The following SGCZ variants were observed in gnomAD, a reference collection of about 807,000 sequenced individuals.
SGCZ encodes sarcoglycan zeta, also known as zeta-sarcoglycan.
A neutral mutation model predicts 41.3 loss-of-function variants in SGCZ; 40 were observed. The observed-to-expected ratio is 0.97, with a 90% confidence interval of 0.75 to 1.26. The LOEUF (loss-of-function observed/expected upper bound fraction) is 1.26, where lower values mean the gene tolerates loss of function less well. SGCZ is among the 50% of genes most tolerant of loss of function. The pLI, the probability that SGCZ is intolerant of heterozygous loss-of-function variation, is 0.00. For missense variants in SGCZ, 552 were observed against 369.8 expected (o/e 1.49, Z -4.04); for synonymous variants, 206 against 137.5 (o/e 1.50, Z -3.49).
At chr8:14,357,139 T>G (rs1803328418) in intron 2 of SGCZ, among the ~76,000 whole-genome samples, 1 of 152,174 alleles carries the variant, frequency 6.6e-6, no homozygotes. Context: ...CACACCTTGA[T>G]ATGTTGATAT....
intron 1 of SGCZ, among the ~76,000 whole-genome samples, chr8:15,042,854 A>C (rs1804158259): frequency 6.6e-6 from 1 of 152,204 alleles, no homozygotes; most frequent in Non-Finnish European, 1.5e-5. Context: ...CTTGCAGAAA[A>C]AGATGGGAAT....
At chr8:14,732,179 C>T (rs1333424104) in intron 1 of SGCZ, among the ~76,000 whole-genome samples, 1 of 152,122 alleles carries the variant, frequency 6.6e-6, no homozygotes, top group Admixed American at 6.5e-5. Flanking sequence ...CTCTCTATAA[C>T]TCTCTTCTAA....
intron 1 of SGCZ, 119 bp downstream of exon 1, chr8:15,237,466 C>T: frequency 8.1e-7 from 1 of 1,227,470 alleles, no homozygotes; most frequent in East Asian, 2.5e-5. Context: ...CCCCAACGCC[C>T]CCTCGTCGTC....
At chr8:14,939,422 C>T (rs1404342452) in intron 1 of SGCZ, among the ~76,000 whole-genome samples, 1 of 152,104 alleles carries the variant, frequency 6.6e-6, no homozygotes, top group African/African-American at 2.4e-5. Flanking sequence ...TTAATGCTTC[C>T]TATTTTTTGA....
intron 1 of SGCZ, among the ~76,000 whole-genome samples, chr8:14,671,761 AAAAACAAATAACAAAC>A (rs1808110042): frequency 6.6e-6 from 1 of 152,212 alleles, no homozygotes; most frequent in African/African-American, 2.4e-5. Flanking sequence ...AAATAATTTC[AAAAACAAATAACAAAC>A]AAAACAATTT....
chr8:15,212,683 C>T (rs772094106), intron 1 of SGCZ, among the ~76,000 whole-genome samples: 12 of 151,970 alleles, frequency 7.9e-5, no homozygotes, highest in Non-Finnish European at 1.6e-4. Context: ...GTTTTGGCAT[C>T]TTAGTTAATA....
intron 1 of SGCZ, among the ~76,000 whole-genome samples, chr8:15,157,856 C>G (rs1029256941): frequency 2.6e-5 from 4 of 152,160 alleles, no homozygotes; most frequent in African/African-American, 9.7e-5. Context: ...AAAAATGGAG[C>G]AAAATACCCA....
intron 2 of SGCZ, among the ~76,000 whole-genome samples, chr8:14,424,220 G>C (rs1208445085): frequency 6.6e-6 from 1 of 152,108 alleles, no homozygotes; most frequent in Non-Finnish European, 1.5e-5. Flanking sequence ...CATAGTAGTA[G>C]AAGACACTAT....
intron 2 of SGCZ, among the ~76,000 whole-genome samples, chr8:14,526,940 A>G (rs1363215062): frequency 6.6e-6 from 1 of 152,136 alleles, no homozygotes; most frequent in Non-Finnish European, 1.5e-5. Context: ...CTAGTTATCT[A>G]CTGGGCACGA....
chr8:14,889,640 C>A (rs937434375), intron 1 of SGCZ, among the ~76,000 whole-genome samples: 7 of 151,426 alleles, frequency 4.6e-5, no homozygotes, highest in Non-Finnish European at 8.8e-5. Flanking sequence ...AAACATGGAT[C>A]AAAAAAATTT....
chr8:15,010,023 G>C (rs1042223220), intron 1 of SGCZ, among the ~76,000 whole-genome samples: 3 of 152,044 alleles, frequency 2.0e-5, no homozygotes, highest in Non-Finnish European at 4.4e-5. Context: ...ATATGTGTTA[G>C]TGTATATTTT....
chr8:14,292,119 GCATCAT>G (rs1800859781), intron 3 of SGCZ, among the ~76,000 whole-genome samples: 1 of 152,030 alleles, frequency 6.6e-6, no homozygotes, highest in African/African-American at 2.4e-5. Context: ...ATTTTACCAA[GCATCAT>G]TAATTAATCA....
At chr8:14,268,815 A>G (rs973237502) in intron 3 of SGCZ, among the ~76,000 whole-genome samples, 2 of 151,958 alleles carry the variant, frequency 1.3e-5, no homozygotes, top group Non-Finnish European at 2.9e-5. Flanking sequence ...GGAATATAAA[A>G]CATCCTCATC....
intron 4 of SGCZ, among the ~76,000 whole-genome samples, chr8:14,206,874 T>G (rs1244846280): frequency 6.6e-6 from 1 of 152,168 alleles, no homozygotes; most frequent in African/African-American, 2.4e-5. Flanking sequence ...TGTCTCAGAT[T>G]CTTATACACA....
intron 1 of SGCZ, among the ~76,000 whole-genome samples, chr8:14,958,529 C>T (rs778909144): frequency 7.9e-5 from 12 of 151,492 alleles, no homozygotes; most frequent in Non-Finnish European, 1.3e-4. Context: ...CAGAAAAAAA[C>T]GATTTGTGGT....
At chr8:15,136,719 G>A (rs774988131) in intron 1 of SGCZ, among the ~76,000 whole-genome samples, 22 of 152,128 alleles carry the variant, frequency 1.4e-4, no homozygotes, top group Non-Finnish European at 2.4e-4. Flanking sequence ...CTTTAACCAT[G>A]ATTGTAAGTT....
intron 1 of SGCZ, among the ~76,000 whole-genome samples, chr8:14,932,048 T>A (rs1799936638): frequency 6.6e-6 from 1 of 151,972 alleles, no homozygotes. Context: ...TTTTTCAGTA[T>A]TTATAATTGA....
intron 2 of SGCZ, among the ~76,000 whole-genome samples, chr8:14,403,081 C>T (rs1481981812): frequency 7.0e-6 from 1 of 142,520 alleles, no homozygotes; most frequent in African/African-American, 3.1e-5. Flanking sequence ...CATGATTTGG[C>T]TCTCTGTTTG....
intron 4 of SGCZ, among the ~76,000 whole-genome samples, chr8:14,218,296 T>C (rs1806070338): frequency 6.6e-6 from 1 of 152,122 alleles, no homozygotes. Flanking sequence ...TAGCAACAAT[T>C]AGAAAATGAA....
Sources: allele counts gnomAD v4.1 joint callset (sites outside exome capture counted in the v4.1 genomes callset), GRCh38; gene constraint gnomAD v4.1.1; transcripts MANE v1.5; gene names NCBI Gene and HGNC (gene_info 2026-07-23, HGNC 2026-07-21).